Variants in BLNK observed in about 807,000 individuals in gnomAD.
The protein encoded by BLNK is B cell linker.
In BLNK, 29 loss-of-function variants were observed where a neutral mutation model predicts 73.5. The observed-to-expected ratio is 0.39, with a 90% CI of 0.29 to 0.54. BLNK has a LOEUF of 0.54. BLNK is among the 20% of genes least tolerant of loss of function. The probability of loss-of-function intolerance (pLI) is 0.61; values close to 1 mark genes in which losing one functional copy is unlikely to be tolerated. For missense variants in BLNK, 460 were observed against 562.8 expected (o/e 0.82, Z 1.85); for synonymous variants, 176 against 200.8 (o/e 0.88, Z 1.04).
At chr10:96,249,036 G>A (rs782552131) in intron 1 of BLNK, among the ~76,000 whole-genome samples, 3 of 152,152 alleles carry the variant, frequency 2.0e-5, no homozygotes, top group Non-Finnish European at 4.4e-5. Flanking sequence ...AAAATTTCAC[G>A]TGGTTCTTCC....
At chr10:96,192,152 C>T (rs2083342549) in intron 16 of BLNK, 60 bp from the exon 17 acceptor site, 1 of 1,597,110 alleles carries the variant, frequency 6.3e-7, no homozygotes, top group African/African-American at 1.3e-5. Context: ...TTGAGCTCCA[C>T]TCCTCCCATC....
rs1164228335 is a variant in BLNK, at chr10:96,189,459, G to A, written c.*2514C>T. 3.2e-6 allele frequency: 2 copies of A among 622,286 alleles called. No individual in the cohort carries two copies. Among genetic ancestry groups the A allele is most frequent in the Admixed American group, 3.7e-5 (2 of 54,106 alleles). The allele number at this position is 622,286 out of a possible 1,614,324, so 38.5% of individuals were successfully genotyped here. A position where few individuals can be genotyped will look rare whatever the true frequency, so the allele number is the denominator to read the frequency against. On this transcript the variant is annotated 3_prime_UTR_variant, in exon 17 of 17. Coordinates refer to ENST00000224337, the MANE Select transcript of BLNK (RefSeq NM_013314.4). ...ATTGATGAACTTGGCTTCCACTTTG[G>A]GAAGAGAACCACCTTTTTCTATACT...
intron 3 of BLNK, among the ~76,000 whole-genome samples, chr10:96,231,912 A>T (rs587751242): frequency 6.6e-6 from 1 of 152,320 alleles, no homozygotes; most frequent in African/African-American, 2.4e-5. Context: ...CAGGGGCAGG[A>T]GGTGCCGTCC....
chr10:96,267,052 G>A (rs781857651), intron 1 of BLNK, among the ~76,000 whole-genome samples: 3 of 152,210 alleles, frequency 2.0e-5, no homozygotes, highest in Non-Finnish European at 4.4e-5. Flanking sequence ...AATCAGCCCT[G>A]TTGGGCCCCA....
intron 1 of BLNK, among the ~76,000 whole-genome samples, chr10:96,258,821 C>G (rs12414495): frequency 0.072 from 10,948 of 152,258 alleles, 1,203 homozygotes; most frequent in East Asian, 0.54. Flanking sequence ...CTCACAACTA[C>G]CCTGTGAGGG....
At chr10:96,199,757 C>T (rs1304522691) in intron 15 of BLNK, among the ~76,000 whole-genome samples, 3 of 152,158 alleles carry the variant, frequency 2.0e-5, no homozygotes, top group Non-Finnish European at 4.4e-5. Context: ...CGGTGGCTCA[C>T]GTCTGTAATC....
At chr10:96,195,792 T>C (rs2083450545) in intron 16 of BLNK, among the ~76,000 whole-genome samples, 1 of 152,216 alleles carries the variant, frequency 6.6e-6, no homozygotes, top group South Asian at 2.1e-4. Flanking sequence ...TGGTAAATTT[T>C]ATATGTGGTT....
intron 1 of BLNK, among the ~76,000 whole-genome samples, chr10:96,264,950 A>C (rs150059959): frequency 6.6e-6 from 1 of 152,176 alleles, no homozygotes; most frequent in Non-Finnish European, 1.5e-5. Context: ...ACCTCTGTCC[A>C]GAATTTGGCC....
intron 11 of BLNK, 70 bp downstream of exon 11, chr10:96,206,941 G>A (rs1554897532): frequency 2.1e-6 from 3 of 1,438,864 alleles, no homozygotes; most frequent in African/African-American, 1.4e-5. Flanking sequence ...TGTAATAAAT[G>A]TGTACATACA....
intron 8 of BLNK, chr10:96,210,134 TA>T (rs2083913559): frequency 1.0e-5 from 6 of 584,674 alleles, no homozygotes; most frequent in South Asian, 9.4e-5. Flanking sequence ...GGATGGGGGT[TA>T]GGGACTCCAC....
chr10:96,266,776 A>G (rs1334341957), intron 1 of BLNK, among the ~76,000 whole-genome samples: 2 of 152,210 alleles, frequency 1.3e-5, no homozygotes, highest in East Asian at 3.8e-4. Flanking sequence ...CCCAGTTAAA[A>G]GGAGTTGGAA....
rs782401562 is a variant in BLNK, at chr10:96,227,367, T to C, written c.361+43A>G. The C allele has an allele frequency of 2.5e-6, 4 of 1,604,820 alleles. No individual in the cohort carries two copies. In the East Asian group the frequency reaches 6.7e-5, roughly 27 times the overall value. ...AATCTTGGACACCCCCACCTCCCCA[T>C]GGGCCTGGAAGGCCGAGTGCCCAGG... On this transcript the variant is annotated intron_variant, in intron 5 of 16. Coordinates refer to ENST00000224337, the MANE Select transcript of BLNK (RefSeq NM_013314.4).
In BLNK at chr10:96,242,767, G is replaced by A; in HGVS notation, c.131C>T (p.Pro44Leu). Residue 44 changes from proline to leucine, a missense_variant, in exon 3 of 17, where the codon CCT becomes CTT. This residue lies in a region of BLNK where 139 missense variants were observed against 187.3 expected (regional missense o/e 0.74). Transcript: ENST00000224337. ...GTAGTCCCTTCGAGGAACACTTGGA[G>A]GTGCTTTGACTTTTAGCCTGGAAAT... The part of the protein sequence containing the change: ...NKIKKLKVKA[P>L]PSVPRRDYAS... The A allele has an allele frequency of 6.2e-7, 1 of 1,614,136 alleles. No homozygotes were observed.
At chr10:96,229,847 A>C (rs1842430712) in intron 4 of BLNK, among the ~76,000 whole-genome samples, 1 of 152,066 alleles carries the variant, frequency 6.6e-6, no homozygotes, top group African/African-American at 2.4e-5. Flanking sequence ...CAGTTGAAGA[A>C]GGAGGAACTC....
At chr10:96,245,959 A>AT (rs1162907002) in intron 2 of BLNK, among the ~76,000 whole-genome samples, 7 of 151,904 alleles carry the variant, frequency 4.6e-5, no homozygotes, top group Non-Finnish European at 1.0e-4. Context: ...GGCCTCTTTG[A>AT]TTTTTTTTCC....
chr10:96,203,902 C>A, intron 13 of BLNK, 155 bp downstream of exon 13: 1 of 557,436 alleles, frequency 1.8e-6, no homozygotes, highest in Non-Finnish European at 3.2e-6. Context: ...AATAAACATT[C>A]TTGGCCCCAT....
At chr10:96,245,562 C>A (rs1843011856) in intron 2 of BLNK, among the ~76,000 whole-genome samples, 1 of 152,090 alleles carries the variant, frequency 6.6e-6, no homozygotes, top group Non-Finnish European at 1.5e-5. Flanking sequence ...TAAAGATGGC[C>A]ACCAATATAT....
intron 8 of BLNK, among the ~76,000 whole-genome samples, chr10:96,214,071 G>A (rs1345243868): frequency 1.3e-5 from 2 of 152,232 alleles, no homozygotes; most frequent in Admixed American, 1.3e-4. Flanking sequence ...CCTGTCTCTG[G>A]AAGCAGAGCT....
chr10:96,255,062 A>G (rs1197951383), intron 1 of BLNK, among the ~76,000 whole-genome samples: 1 of 152,200 alleles, frequency 6.6e-6, no homozygotes, highest in Non-Finnish European at 1.5e-5. Context: ...TTCTCAGGAT[A>G]GGAGAACTTT....
Sources: gnomAD v4.1 joint callset for allele counts (sites outside exome capture counted in the v4.1 genomes callset) on GRCh38, gnomAD v4.1.1 for gene constraint, gnomAD v4.1.1 regional missense constraint, MANE v1.5 for transcripts, NCBI Gene and HGNC (gene_info 2026-07-23, HGNC 2026-07-21) for gene names.